Variants in FNIP1 observed in about 807,000 individuals in gnomAD.
FNIP1 encodes folliculin interacting protein 1.
In FNIP1, 40 loss-of-function variants were observed where a neutral mutation model predicts 124.5. The observed-to-expected ratio is 0.32, with a 90% CI of 0.25 to 0.42. The LOEUF is 0.42. Ranked by LOEUF, FNIP1 falls within the 10% of genes least tolerant of loss-of-function variation. The probability of loss-of-function intolerance (pLI) is 1.00; values close to 1 mark genes in which losing one functional copy is unlikely to be tolerated. For synonymous variants in FNIP1, 472 were observed against 470.6 expected, an observed-to-expected ratio of 1.00 and a Z score of -0.04; for missense variants, 1,176 against 1,403.7, an observed-to-expected ratio of 0.84 and a Z score of 2.59.
chr5:131,667,775 G>A (rs1767645566), intron 15 of FNIP1, among the ~76,000 whole-genome samples: 1 of 152,078 alleles, frequency 6.6e-6, no homozygotes, highest in African/African-American at 2.4e-5. Flanking sequence ...TTTTGTAGAG[G>A]CAGGGTTTCA....
intron 17 of FNIP1, 148 bp from the exon 18 acceptor site, chr5:131,644,911 A>C (rs1293077983): frequency 3.1e-6 from 2 of 653,136 alleles, no homozygotes; most frequent in East Asian, 5.4e-5. Context: ...TTCTCAGTAA[A>C]TAAAACACAG....
intron 1 of FNIP1, among the ~76,000 whole-genome samples, chr5:131,765,066 T>C (rs755691617): frequency 2.6e-4 from 39 of 151,796 alleles, no homozygotes; most frequent in Non-Finnish European, 5.3e-4. Flanking sequence ...CTACAAAAAA[T>C]GAAAAATTAG....
intron 1 of FNIP1, among the ~76,000 whole-genome samples, chr5:131,771,303 C>T (rs186660981): frequency 1.3e-5 from 2 of 152,302 alleles, no homozygotes; most frequent in East Asian, 1.9e-4. Context: ...TTCTTTGAAT[C>T]CCCAGGATTG....
chr5:131,715,522 T>C (rs1769438450), intron 6 of FNIP1, among the ~76,000 whole-genome samples: 1 of 152,068 alleles, frequency 6.6e-6, no homozygotes. Flanking sequence ...CCATAATTAC[T>C]TTCAACTTTC....
chr5:131,775,084 C>A (rs1004292985), intron 1 of FNIP1, among the ~76,000 whole-genome samples: 1 of 152,148 alleles, frequency 6.6e-6, no homozygotes, highest in Non-Finnish European at 1.5e-5. Context: ...GCTAGTTTCA[C>A]GGAAGCATAT....
chr5:131,767,353 T>C (rs1013462083), intron 1 of FNIP1, among the ~76,000 whole-genome samples: 11 of 133,550 alleles, frequency 8.2e-5, no homozygotes, highest in Non-Finnish European at 1.5e-5. Flanking sequence ...CGCTTGAACC[T>C]GGGAGGCGGA....
At chr5:131,698,884 T>C (rs1768794220) in intron 11 of FNIP1, 33 bp downstream of exon 11, 2 of 1,545,802 alleles carry the variant, frequency 1.3e-6, no homozygotes, top group Non-Finnish European at 1.8e-6. Context: ...ACACTATGAA[T>C]TACTGCATTA....
At position 131,672,930 on chromosome 5, in the gene FNIP1, A is replaced by T; in HGVS notation, c.1520-6T>A. The T allele has an allele frequency of 6.6e-7, 1 of 1,520,916 alleles. No homozygotes were observed. The highest frequency in any genetic ancestry group is 8.8e-7 in the Non-Finnish European group (1 of 1,137,214). 94.2% of individuals were successfully genotyped at this position (1,520,916 alleles called of 1,614,324 possible). A position where few individuals can be genotyped will look rare whatever the true frequency, so the allele number is the denominator to read the frequency against. On this transcript the variant is annotated splice_region_variant and splice_polypyrimidine_tract_variant and intron_variant, in intron 13 of 17. Transcript: ENST00000510461. ...AATAGCGCCATACAAGTCTCCTGTA[A>T]TGGAAAAAATCAGTTATTGGACATG...
chr5:131,733,142 G>A (rs1446833172), intron 2 of FNIP1, among the ~76,000 whole-genome samples: 2 of 152,032 alleles, frequency 1.3e-5, no homozygotes, highest in African/African-American at 2.4e-5. Context: ...TCTGTTATTG[G>A]TGTATAAGAA....
At chr5:131,695,387 G>T (rs923650115) in intron 11 of FNIP1, among the ~76,000 whole-genome samples, 3 of 152,192 alleles carry the variant, frequency 2.0e-5, no homozygotes, top group Admixed American at 2.0e-4. Flanking sequence ...TAAGAGATAG[G>T]CATGTCTTAG....
At chr5:131,707,656 G>A (rs866083449) in intron 8 of FNIP1, among the ~76,000 whole-genome samples, 9 of 152,174 alleles carry the variant, frequency 5.9e-5, no homozygotes, top group South Asian at 2.1e-4. Context: ...GTCCAAGATT[G>A]GGTATGTACA....
intron 15 of FNIP1, among the ~76,000 whole-genome samples, chr5:131,662,711 A>C (rs1767476404): frequency 6.8e-6 from 1 of 148,100 alleles, no homozygotes; most frequent in African/African-American, 2.5e-5. Context: ...TTTTCTCTGA[A>C]CTACCTTTGG....
At chr5:131,794,229 T>TAAAAAA (rs60617618) in intron 1 of FNIP1, among the ~76,000 whole-genome samples, 5 of 48,446 alleles carry the variant, frequency 1.0e-4, no homozygotes, top group Non-Finnish European at 1.7e-4. Context: ...AGACTCCATC[T>TAAAAAA]AAAAAAAAAA....
At chr5:131,741,434 T>C (rs948468393) in intron 2 of FNIP1, among the ~76,000 whole-genome samples, 1 of 152,236 alleles carries the variant, frequency 6.6e-6, no homozygotes, top group Admixed American at 6.5e-5. Flanking sequence ...TCACTTTGTA[T>C]AGAATTTAAA....
At chr5:131,652,220 A>G (rs1016110485) in intron 15 of FNIP1, among the ~76,000 whole-genome samples, 1 of 152,244 alleles carries the variant, frequency 6.6e-6, no homozygotes, top group African/African-American at 2.4e-5. Flanking sequence ...CATTACAAGG[A>G]CTTTGTATTA....
chr5:131,707,106 C>T (rs2149534480), intron 8 of FNIP1, among the ~76,000 whole-genome samples: 1 of 152,318 alleles, frequency 6.6e-6, no homozygotes, highest in African/African-American at 2.4e-5. Context: ...GTGACAAACA[C>T]ATTCCAGCAG....
At chr5:131,762,969 A>G (rs1771281943) in intron 1 of FNIP1, among the ~76,000 whole-genome samples, 1 of 152,166 alleles carries the variant, frequency 6.6e-6, no homozygotes, top group Admixed American at 6.5e-5. Flanking sequence ...TAAAAATTAA[A>G]ACAACTGAAC....
intron 1 of FNIP1, among the ~76,000 whole-genome samples, chr5:131,765,742 T>C (rs1771398712): frequency 6.6e-6 from 1 of 152,174 alleles, no homozygotes; most frequent in Non-Finnish European, 1.5e-5. Flanking sequence ...CACCTTTTCT[T>C]TTTCCTCTGT....
At chr5:131,725,132 C>T (rs1028148064) in intron 3 of FNIP1, among the ~76,000 whole-genome samples, 10 of 152,074 alleles carry the variant, frequency 6.6e-5, no homozygotes, top group African/African-American at 9.7e-5. Context: ...AGTCAGGTAG[C>T]GTGATGCCTC....
Sources: gnomAD v4.1 joint callset for allele counts (sites outside exome capture counted in the v4.1 genomes callset) on GRCh38, gnomAD v4.1.1 for gene constraint, MANE v1.5 for transcripts, NCBI Gene and HGNC (gene_info 2026-07-23, HGNC 2026-07-21) for gene names.